MAF: variants seen among roughly 807,000 people sequenced by gnomAD.
MAF encodes the protein transcription factor Maf.
In MAF, 10 loss-of-function variants were observed where a neutral mutation model predicts 22.0. The observed-to-expected ratio is 0.45, with a 90% CI of 0.28 to 0.77. The LOEUF is 0.77. MAF is among the 30% of genes least tolerant of loss of function. MAF has a pLI of 0.12. For synonymous variants in MAF, 337 were observed against 255.8 expected, an observed-to-expected ratio of 1.32 and a Z score of -3.03; for missense variants, 544 against 548.4, an observed-to-expected ratio of 0.99 and a Z score of 0.08.
chr16:79,584,738 C>T (rs1021567585), downstream of MAF, among the ~76,000 whole-genome samples: 7 of 152,186 alleles, frequency 4.6e-5, no homozygotes, highest in African/African-American at 1.7e-4. Flanking sequence ...AATGTATACA[C>T]TGAGTTTAAA....
At chr16:79,451,815 G>C in the MAF span, among the ~76,000 whole-genome samples, 2 of 152,086 alleles carry the variant, frequency 1.3e-5, no homozygotes, top group African/African-American at 4.8e-5. Context: ...CTAGACTTTT[G>C]CTATGCCTAA....
At chr16:79,573,607 C>T in the MAF span, among the ~76,000 whole-genome samples, 1 of 152,196 alleles carries the variant, frequency 6.6e-6, no homozygotes, top group Admixed American at 6.5e-5. Context: ...GCACCATGTT[C>T]ATTTTCTACT....
At chr16:79,256,225 T>A in the MAF span, among the ~76,000 whole-genome samples, 1 of 151,894 alleles carries the variant, frequency 6.6e-6, no homozygotes, top group African/African-American at 2.4e-5. Flanking sequence ...CCTGACCTCG[T>A]GATCCGCCTG....
At chr16:79,207,170 T>G in the MAF span, among the ~76,000 whole-genome samples, 1 of 152,330 alleles carries the variant, frequency 6.6e-6, no homozygotes, top group South Asian at 2.1e-4. Flanking sequence ...CCGCAGCAGC[T>G]CTCTGATAAA....
At chr16:79,372,180 T>C in the MAF span, among the ~76,000 whole-genome samples, 2 of 152,080 alleles carry the variant, frequency 1.3e-5, no homozygotes, top group Non-Finnish European at 2.9e-5. Flanking sequence ...TTTTGTTTAA[T>C]TTGAGATCAG....
the MAF span, among the ~76,000 whole-genome samples, chr16:79,545,559 G>T: frequency 6.6e-6 from 1 of 151,680 alleles, no homozygotes; most frequent in Admixed American, 6.6e-5. Flanking sequence ...GAAAATCGTG[G>T]ACATTACAAA....
At chr16:79,254,028 G>GA in the MAF span, among the ~76,000 whole-genome samples, 7 of 134,722 alleles carry the variant, frequency 5.2e-5, no homozygotes, top group Admixed American at 4.4e-4. Context: ...ATCTTTTTTT[G>GA]TTTTTTTTTT....
downstream of MAF, among the ~76,000 whole-genome samples, chr16:79,590,833 C>T (rs1320712675): frequency 6.6e-6 from 1 of 152,088 alleles, no homozygotes; most frequent in Non-Finnish European, 1.5e-5. Flanking sequence ...CTCTCCTCTG[C>T]TCTCTGGGCC....
chr16:79,325,470 G>T, the MAF span, among the ~76,000 whole-genome samples: 1,063 of 152,214 alleles, frequency 7.0e-3, 14 homozygotes, highest in African/African-American at 0.025. Flanking sequence ...GGAAGCAACT[G>T]GCTCAGGGTC....
the MAF span, among the ~76,000 whole-genome samples, chr16:79,242,963 C>T: frequency 6.6e-6 from 1 of 151,938 alleles, no homozygotes; most frequent in African/African-American, 2.4e-5. Context: ...GGGTAAATAA[C>T]AAAATGAAGG....
At chr16:79,374,191 G>C in the MAF span, among the ~76,000 whole-genome samples, 1 of 152,140 alleles carries the variant, frequency 6.6e-6, no homozygotes, top group South Asian at 2.1e-4. Context: ...GCCCCTATTT[G>C]TTTCTTTGGG....
At chr16:79,356,261 A>G in the MAF span, among the ~76,000 whole-genome samples, 8 of 152,238 alleles carry the variant, frequency 5.3e-5, no homozygotes, top group Admixed American at 5.2e-4. Context: ...GCCATCACAC[A>G]TGCGACACAG....
At chr16:79,508,787 C>T in the MAF span, among the ~76,000 whole-genome samples, 1 of 152,172 alleles carries the variant, frequency 6.6e-6, no homozygotes, top group African/African-American at 2.4e-5. Flanking sequence ...TCATAGGTTT[C>T]TATTTATCTG....
the MAF span, among the ~76,000 whole-genome samples, chr16:79,495,623 G>A: frequency 3.3e-5 from 5 of 151,844 alleles, no homozygotes; most frequent in African/African-American, 9.7e-5. Flanking sequence ...CAGAGATTAG[G>A]GCATGAATAT....
chr16:79,509,361 G>A, the MAF span, among the ~76,000 whole-genome samples: 16 of 152,344 alleles, frequency 1.1e-4, no homozygotes, highest in Admixed American at 1.3e-4. Context: ...CACAAGAAGC[G>A]GGGCACATTC....
At chr16:79,207,069 G>T in the MAF span, among the ~76,000 whole-genome samples, 7 of 152,280 alleles carry the variant, frequency 4.6e-5, no homozygotes, top group Non-Finnish European at 7.3e-5. Flanking sequence ...AGCCTCTCCT[G>T]GGGGAGTGTT....
At chr16:79,555,179 G>C in the MAF span, among the ~76,000 whole-genome samples, 1 of 152,150 alleles carries the variant, frequency 6.6e-6, no homozygotes, top group Non-Finnish European at 1.5e-5. Flanking sequence ...GCATCACTTT[G>C]TATTTGCTTC....
chr16:79,536,128 T>C, the MAF span, among the ~76,000 whole-genome samples: 2 of 152,186 alleles, frequency 1.3e-5, no homozygotes, highest in East Asian at 3.9e-4. Flanking sequence ...AGTGCTATAC[T>C]CAACATGATA....
the MAF span, among the ~76,000 whole-genome samples, chr16:79,286,558 A>G: frequency 2.6e-5 from 4 of 152,232 alleles, no homozygotes; most frequent in African/African-American, 9.6e-5. Flanking sequence ...GTATATGTGC[A>G]TGCACACTTG....
Sources: gnomAD v4.1 joint callset for allele counts (sites outside exome capture counted in the v4.1 genomes callset) on GRCh38, gnomAD v4.1.1 for gene constraint, MANE v1.5 for transcripts, NCBI Gene and HGNC (gene_info 2026-07-23, HGNC 2026-07-21) for gene names.